The following TNRC6B variants were observed in gnomAD, a reference collection of about 807,000 sequenced individuals.
The protein encoded by TNRC6B is trinucleotide repeat containing adaptor 6B.
In TNRC6B, 52 loss-of-function variants were observed where a neutral mutation model predicts 203.6. That is an observed-to-expected ratio of 0.26 (90% CI 0.20 to 0.32). The LOEUF (loss-of-function observed/expected upper bound fraction) is 0.32, where lower values mean the gene tolerates loss of function less well. Among genes scored for constraint, TNRC6B ranks in the 10% least tolerant of loss-of-function variants. The pLI is 1.00. For synonymous variants in TNRC6B, 838 were observed against 845.7 expected (o/e 0.99, Z 0.16); for missense variants, 1,923 against 2,286.2 (o/e 0.84, Z 3.24).
At chr22:40,215,123 T>A (rs2069618208) in intron 1 of TNRC6B, among the ~76,000 whole-genome samples, 5 of 152,202 alleles carry the variant, frequency 3.3e-5, no homozygotes, top group Admixed American at 3.3e-4. Flanking sequence ...TCATGGAGAC[T>A]TAGCATTGAA....
At position 40,316,029 on chromosome 22, in the gene TNRC6B, G is replaced by T. The variant is rs752918549; in HGVS notation, c.4974+17G>T. On this transcript the variant is annotated intron_variant, in intron 21 of 22. Transcript: ENST00000454349. ...ACCCCACAGGTAATTATGCTTTCTC[G>T]CAGTTTTCTAGATAGGACTTGATTG... The T allele has an allele frequency of 1.2e-6, 2 of 1,609,990 alleles. No individual in the cohort carries two copies. The highest frequency in any genetic ancestry group is 2.2e-5 in the South Asian group (2 of 90,786).
rs1300211046 is a variant in TNRC6B at position 40,335,564 on chromosome 22, AGTC to A, written c.*12330_*12332del. 2.6e-5 allele frequency: 4 copies of A among 151,846 alleles called. No homozygotes were observed. Among genetic ancestry groups the A allele is most frequent in the South Asian group, 4.1e-4 (2 of 4,820 alleles). 9.4% of individuals were successfully genotyped at this position (151,846 alleles called of 1,614,324 possible). On this transcript the variant is annotated 3_prime_UTR_variant, in exon 23 of 23. Transcript: ENST00000454349. The stretch of plus-strand genomic sequence containing the variant: ...TGACAGGTTGAGTAATAAGGAATTA[AGTC>A]GTCGTCATTTCATTAAAACTGAGAG...
intron 7 of TNRC6B, among the ~76,000 whole-genome samples, chr22:40,273,920 TA>T (rs2070601053): frequency 6.6e-6 from 1 of 152,186 alleles, no homozygotes; most frequent in Non-Finnish European, 1.5e-5. Flanking sequence ...GTGCTGGGAT[TA>T]CAGGTGGGAG....
intron 1 of TNRC6B, among the ~76,000 whole-genome samples, chr22:40,072,453 C>T (rs6001744): frequency 0.013 from 2,049 of 152,200 alleles, 54 homozygotes; most frequent in African/African-American, 0.046. Context: ...AAGAAGATCA[C>T]GATGCATTTA....
rs185479815 is a variant in TNRC6B, at chr22:40,242,590, C to A, written c.6-3425C>A. ...AGATTACAGGCATGTGCCACCACGCCCACCTAATTTTGTATTTTAAACCTC... is the reference window on the plus strand; with the variant it reads ...AGATTACAGGCATGTGCCACCACGCACACCTAATTTTGTATTTTAAACCTC... On this transcript the variant is annotated intron_variant, in intron 1 of 22. Coordinates refer to ENST00000454349, the MANE Select transcript of TNRC6B (RefSeq NM_001162501.2). 4.8e-3 allele frequency among the ~76,000 whole-genome samples: 724 copies of A among 152,160 alleles called. 3 individuals are homozygous for A. Among genetic ancestry groups the A allele is most frequent in the Non-Finnish European group, 8.5e-3 (579 of 67,980 alleles).
At chr22:40,311,124 T>C in intron 17 of TNRC6B, 131 bp downstream of exon 17, 1 of 1,094,892 alleles carries the variant, frequency 9.1e-7, no homozygotes. Flanking sequence ...TCAATAATTG[T>C]CTGTTAGAAG....
chr22:40,331,402 TC>T lies in TNRC6B; in HGVS notation c.*8162del. 1 of 302,076 alleles carries T rather than the reference TC, an allele frequency of 3.3e-6. No individual in the cohort carries two copies. The highest frequency in any genetic ancestry group is 5.2e-5 in the Admixed American group (1 of 19,390). The allele number at this position is 302,076 out of a possible 1,614,324, so 18.7% of individuals were successfully genotyped here. On this transcript the variant is annotated 3_prime_UTR_variant, in exon 23 of 23. Coordinates refer to ENST00000454349, the MANE Select transcript of TNRC6B (RefSeq NM_001162501.2). ...TTATGTTTTAAACAATTTCACCTCT[TC>T]TCCCCACTCCTATCTTCTAAAGAAA... is the stretch of plus-strand genomic sequence containing the variant.
intron 15 of TNRC6B, among the ~76,000 whole-genome samples, chr22:40,302,939 C>T (rs2071042643): frequency 6.6e-6 from 1 of 152,070 alleles, no homozygotes; most frequent in African/African-American, 2.4e-5. Context: ...GCTCTGTGCT[C>T]ATCTGGGCTG....
chr22:40,078,171 T>C (rs937965084), intron 1 of TNRC6B, among the ~76,000 whole-genome samples: 1 of 152,232 alleles, frequency 6.6e-6, no homozygotes, highest in African/African-American at 2.4e-5. Context: ...TCATGAAGCA[T>C]CCATACTACT....
intron 3 of TNRC6B, among the ~76,000 whole-genome samples, chr22:40,132,352 T>G (rs2068553113): frequency 6.8e-6 from 1 of 146,598 alleles, no homozygotes; most frequent in Non-Finnish European, 1.5e-5. Context: ...GGTGACAGTG[T>G]GAAACTCCAT....
At chr22:40,221,705 C>T (rs1018510330) in intron 1 of TNRC6B, among the ~76,000 whole-genome samples, 1 of 149,220 alleles carries the variant, frequency 6.7e-6, no homozygotes, top group African/African-American at 2.5e-5. Context: ...TCTCAAAGTG[C>T]GGGGATTACA....
intron 9 of TNRC6B, among the ~76,000 whole-genome samples, chr22:40,279,459 C>T (rs766500220): frequency 2.2e-4 from 33 of 152,102 alleles, no homozygotes; most frequent in African/African-American, 4.3e-4. Context: ...GAAATTGCAC[C>T]GTGTAGGTAA....
In TNRC6B at chr22:40,265,401, A is replaced by T; in HGVS notation, c.1171A>T (p.Asn391Tyr). 1 of 1,613,994 alleles carries T rather than the reference A, an allele frequency of 6.2e-7. No homozygotes were observed. Among genetic ancestry groups the T allele is most frequent in the Non-Finnish European group, 8.5e-7 (1 of 1,179,888 alleles). The change falls in exon 5 of 23, where the codon AAT becomes TAT. Residue 391 changes from asparagine (N) to tyrosine (Y), a missense_variant. Asn to Tyr is a moderately radical substitution (Grantham distance 143). This residue lies in a region of TNRC6B where 614 missense variants were observed against 587.7 expected (regional missense o/e 1.04). Coordinates refer to ENST00000454349, the MANE Select transcript of TNRC6B (RefSeq NM_001162501.2). ...CTTAAGTTCACCAAACCCCATGGAG[A>T]ATAAGGGAATGCCCTTTGGAATGGG... ...LNLSSPNPME[N>Y]KGMPFGMGLG...
chr22:40,310,543 A>G (rs142105134), intron 16 of TNRC6B, among the ~76,000 whole-genome samples: 14 of 152,324 alleles, frequency 9.2e-5, no homozygotes, highest in African/African-American at 3.4e-4. Flanking sequence ...TCATAAGACC[A>G]TGGAATTTTA....
chr22:40,199,530 G>T (rs2146404546), intron 1 of TNRC6B, among the ~76,000 whole-genome samples: 1 of 152,126 alleles, frequency 6.6e-6, no homozygotes, highest in South Asian at 2.1e-4. Context: ...AAAATAACTG[G>T]CCTGTAATCC....
intron 1 of TNRC6B, among the ~76,000 whole-genome samples, chr22:40,048,363 A>T (rs2067711295): frequency 6.6e-6 from 1 of 151,858 alleles, no homozygotes; most frequent in African/African-American, 2.4e-5. Context: ...ATATGGTGAA[A>T]CCCCGTCTCT....
upstream of TNRC6B, among the ~76,000 whole-genome samples, chr22:40,177,093 G>A (rs971372966): frequency 6.6e-6 from 1 of 152,146 alleles, no homozygotes; most frequent in African/African-American, 2.4e-5. Flanking sequence ...TTCTTAAGTG[G>A]GTAGGAGTGG....
Position 40,316,020 on chromosome 22 carries a change from T to C in TNRC6B, c.4974+8T>C, listed in dbSNP as rs369974109. On this transcript the variant is annotated splice_region_variant and intron_variant, in intron 21 of 22. Coordinates refer to ENST00000454349, the MANE Select transcript of TNRC6B (RefSeq NM_001162501.2). ...CACAATCTCACCCCACAGGTAATTA[T>C]GCTTTCTCGCAGTTTTCTAGATAGG... The C allele has an allele frequency of 3.9e-5, 63 of 1,612,824 alleles. No individual in the cohort carries two copies. Among genetic ancestry groups the C allele is most frequent in the Admixed American group, 2.5e-4 (15 of 59,990 alleles).
chr22:40,311,895 C>A (rs1255728576), intron 17 of TNRC6B, among the ~76,000 whole-genome samples: 2 of 152,214 alleles, frequency 1.3e-5, no homozygotes, highest in Non-Finnish European at 2.9e-5. Flanking sequence ...ATTGCTCTTT[C>A]TCATCACGAT....
Sources: allele counts gnomAD v4.1 joint callset (sites outside exome capture counted in the v4.1 genomes callset), GRCh38; gene constraint gnomAD v4.1.1; regional missense constraint gnomAD v4.1.1; transcripts MANE v1.5; gene names NCBI Gene and HGNC (gene_info 2026-07-23, HGNC 2026-07-21).